Variants in MCTP2 observed in about 807,000 individuals in gnomAD.
MCTP2 encodes the protein multiple C2 and transmembrane domain containing 2.
MCTP2 carries 132 observed loss-of-function variants against 111.6 expected under a neutral mutation model. The observed-to-expected ratio is 1.18, with a 90% CI of 1.03 to 1.37. The LOEUF is 1.37. Ranked by LOEUF, MCTP2 falls within the 40% of genes most tolerant of loss-of-function variation. The pLI, the probability that MCTP2 is intolerant of heterozygous loss-of-function variation, is 0.00. For synonymous variants in MCTP2, 395 were observed against 387.7 expected (o/e 1.02, Z -0.22); for missense variants, 1,183 against 1,067.9 (o/e 1.11, Z -1.50).
Position 94,320,141 on chromosome 15 carries a change from C to CTT in MCTP2, c.637+4522_637+4523dup, listed in dbSNP as rs71135503. Among the ~76,000 whole-genome samples the CTT allele has an allele frequency of 5.3e-4, 63 of 117,986 alleles. 1 individual carries two copies. The South Asian group carries it at 8.6e-3, about 16-fold the overall frequency. The allele number at this position is 117,986 out of a possible 152,430, so 77.4% of individuals were successfully genotyped here. On this transcript the variant is annotated intron_variant, in intron 4 of 22. Transcript: ENST00000357742. ...TTAGGAGGGAGAATAGTTTATTAAT[C>CTT]TTTTTTTTTTTTTTTTTTTGAGATG...
chr15:94,284,241 T>C (rs2074643311), intron 1 of MCTP2, among the ~76,000 whole-genome samples: 1 of 152,204 alleles, frequency 6.6e-6, no homozygotes, highest in Non-Finnish European at 1.5e-5. Flanking sequence ...ACACTATGAG[T>C]TATGTTCCCT....
intron 1 of MCTP2, among the ~76,000 whole-genome samples, chr15:94,291,612 A>T (rs1475877619): frequency 6.6e-6 from 1 of 152,220 alleles, no homozygotes; most frequent in African/African-American, 2.4e-5. Flanking sequence ...AAAAAAGAAA[A>T]AAAAAAAAGT....
intron 17 of MCTP2, among the ~76,000 whole-genome samples, chr15:94,412,209 G>A (rs1014785659): frequency 2.0e-5 from 3 of 152,018 alleles, no homozygotes; most frequent in African/African-American, 4.8e-5. Context: ...TACAATGCAC[G>A]GCTTGTATAG....
At chr15:94,442,275 A>G (rs114317064) in intron 18 of MCTP2, among the ~76,000 whole-genome samples, 2,152 of 152,334 alleles carry the variant, frequency 0.014, 41 homozygotes, top group African/African-American at 0.048. Flanking sequence ...GCCATTAAAT[A>G]GCCAAGATTT....
chr15:94,451,000 C>T (rs143238942), intron 19 of MCTP2, among the ~76,000 whole-genome samples: 200 of 152,314 alleles, frequency 1.3e-3, no homozygotes, highest in African/African-American at 4.6e-3. Context: ...TGGTGCTATA[C>T]TCATTGGATA....
chr15:94,461,835 A>C (rs953512874), intron 20 of MCTP2, among the ~76,000 whole-genome samples: 1 of 152,142 alleles, frequency 6.6e-6, no homozygotes, highest in Non-Finnish European at 1.5e-5. Flanking sequence ...GTTGGAATCC[A>C]GGTTAAATAG....
intron 17 of MCTP2, chr15:94,402,446 T>C: frequency 6.5e-7 from 1 of 1,549,150 alleles, no homozygotes; most frequent in Non-Finnish European, 8.7e-7. Flanking sequence ...TTCAAGCCAG[T>C]TGGGACATAC....
intron 4 of MCTP2, among the ~76,000 whole-genome samples, chr15:94,329,562 A>G (rs1210858848): frequency 1.3e-5 from 2 of 152,168 alleles, no homozygotes; most frequent in Non-Finnish European, 2.9e-5. Flanking sequence ...CTTTTAAACA[A>G]TCGGATCTCT....
At chr15:94,245,042 A>G (rs939948596) in intron 1 of MCTP2, among the ~76,000 whole-genome samples, 1 of 149,968 alleles carries the variant, frequency 6.7e-6, no homozygotes, top group Non-Finnish European at 1.5e-5. Flanking sequence ...TTATATACGT[A>G]TATGTATACA....
intron 9 of MCTP2, among the ~76,000 whole-genome samples, chr15:94,357,448 C>A (rs1290932377): frequency 6.6e-6 from 1 of 152,084 alleles, no homozygotes; most frequent in African/African-American, 2.4e-5. Context: ...GCACACTTAG[C>A]CATTTGGACT....
chr15:94,434,379 AT>A (rs59320167), intron 17 of MCTP2, among the ~76,000 whole-genome samples: 32,937 of 148,404 alleles, frequency 0.22, 4,172 homozygotes, highest in African/African-American at 0.35. Context: ...CTCCCAGCCT[AT>A]TTTTTTTTTT....
chr15:94,379,195 A>G (rs1218768209), intron 12 of MCTP2, among the ~76,000 whole-genome samples: 2 of 152,002 alleles, frequency 1.3e-5, no homozygotes, highest in East Asian at 3.9e-4. Context: ...GCAGGACCGG[A>G]TAGGGCAGCC....
intron 12 of MCTP2, among the ~76,000 whole-genome samples, chr15:94,379,768 G>C (rs149066257): frequency 6.9e-6 from 1 of 144,488 alleles, no homozygotes; most frequent in African/African-American, 2.5e-5. Flanking sequence ...TATAATATAT[G>C]ATATGTAATA....
At chr15:94,265,678 C>T (rs926546754) in intron 1 of MCTP2, among the ~76,000 whole-genome samples, 1 of 152,040 alleles carries the variant, frequency 6.6e-6, no homozygotes, top group Admixed American at 6.5e-5. Flanking sequence ...AAATATTATT[C>T]AGTTGTACAT....
At chr15:94,409,763 C>T (rs985456499) in intron 17 of MCTP2, among the ~76,000 whole-genome samples, 2 of 151,816 alleles carry the variant, frequency 1.3e-5, no homozygotes, top group Admixed American at 1.3e-4. Flanking sequence ...GTGATGGTTT[C>T]GAGTATCTAG....
rs185454818 is a variant in MCTP2, at chr15:94,471,971, A to C, written c.2470+1529A>C. Among the ~76,000 whole-genome samples, 9 of 152,298 alleles carry C rather than the reference A, an allele frequency of 5.9e-5. No homozygotes were observed. The East Asian group carries it at 1.7e-3, about 29-fold the overall frequency. On this transcript the variant is annotated intron_variant, in intron 21 of 22. Transcript: ENST00000357742. ...TTTGGCTAGTGGTTTGTTCACTTTT[A>C]AGTTCATGTAAGTTGAGTGCCATGG...
intron 19 of MCTP2, among the ~76,000 whole-genome samples, chr15:94,446,122 C>T (rs1013437513): frequency 5.9e-5 from 9 of 152,210 alleles, no homozygotes; most frequent in African/African-American, 2.2e-4. Flanking sequence ...ATGGTAGTAA[C>T]TTGTATTAGA....
At chr15:94,362,948 A>G (rs1054714272) in intron 10 of MCTP2, among the ~76,000 whole-genome samples, 10 of 152,200 alleles carry the variant, frequency 6.6e-5, no homozygotes, top group Non-Finnish European at 1.5e-4. Context: ...TGCCTTTTGC[A>G]GGAAAGGGAA....
rs957525989 is a variant in MCTP2 at position 94,480,213 on chromosome 15, G to A, written c.*1179G>A. ...TTAAGTCTGTTTAAATGATATTTAA[G>A]TTTTAAAGACTGTATTTTGTTGACA... is the stretch of plus-strand genomic sequence containing the variant. On this transcript the variant is annotated 3_prime_UTR_variant, in exon 23 of 23. Coordinates refer to ENST00000357742, the MANE Select transcript of MCTP2 (RefSeq NM_001385001.1). 9.9e-5 allele frequency: 15 copies of A among 152,042 alleles called. No individual in the cohort carries two copies. Among genetic ancestry groups the A allele is most frequent in the African/African-American group, 3.6e-4 (15 of 41,386 alleles). The allele number at this position is 152,042 out of a possible 1,614,324, so 9.4% of individuals were successfully genotyped here. A position where few individuals can be genotyped will look rare whatever the true frequency, so the allele number is the denominator to read the frequency against.
Sources: allele counts gnomAD v4.1 joint callset (sites outside exome capture counted in the v4.1 genomes callset), GRCh38; gene constraint gnomAD v4.1.1; transcripts MANE v1.5; gene names NCBI Gene and HGNC (gene_info 2026-07-23, HGNC 2026-07-21).